Variants in RAD51D observed in about 807,000 individuals in gnomAD.
RAD51D encodes the protein RAD51 paralog D.
RAD51D carries 38 observed loss-of-function variants against 44.1 expected under a neutral mutation model. That is an observed-to-expected ratio of 0.86 (90% CI 0.67 to 1.13). The LOEUF is 1.13. Among genes scored for constraint, RAD51D ranks in the 50% most tolerant of loss-of-function variants. RAD51D has a pLI of 0.00. For missense variants in RAD51D, 390 were observed against 414.0 expected (o/e 0.94, Z 0.50); for synonymous variants, 141 against 166.6 (o/e 0.85, Z 1.18).
chr17:35,107,297 C>G (rs2142435550), intron 4 of RAD51D, 69 bp downstream of exon 4: 1 of 1,482,984 alleles, frequency 6.7e-7, no homozygotes, highest in South Asian at 1.1e-5. Context: ...GAAGCTCCCC[C>G]AGGGACCCTG....
intron 3 of RAD51D, among the ~76,000 whole-genome samples, chr17:35,109,776 T>C (rs543072835): frequency 3.9e-5 from 6 of 152,108 alleles, no homozygotes; most frequent in African/African-American, 1.4e-4. Context: ...CAAGCAATTC[T>C]CCTGCCTCAG....
At chr17:35,118,398 A>T (rs2091773683) in intron 3 of RAD51D, 103 bp downstream of exon 3, 2 of 737,054 alleles carry the variant, frequency 2.7e-6, no homozygotes, top group South Asian at 1.7e-5. Flanking sequence ...ATTATTGGTT[A>T]AAAAAAAAAC....
intron 3 of RAD51D, among the ~76,000 whole-genome samples, chr17:35,111,033 G>C (rs1298829954): frequency 6.6e-6 from 1 of 151,926 alleles, no homozygotes; most frequent in East Asian, 1.9e-4. Context: ...CCCGGGAGGC[G>C]GGGGTTGCAG....
intron 3 of RAD51D, among the ~76,000 whole-genome samples, chr17:35,107,779 CTT>C (rs1340104778): frequency 9.3e-6 from 1 of 107,938 alleles, no homozygotes; most frequent in Non-Finnish European, 1.7e-5. Flanking sequence ...CGGAGTCTCT[CTT>C]TGTTGTCCAG....
At chr17:35,114,362 A>G (rs1197953249) in intron 3 of RAD51D, among the ~76,000 whole-genome samples, 1 of 152,108 alleles carries the variant, frequency 6.6e-6, no homozygotes, top group Non-Finnish European at 1.5e-5. Context: ...TTGTCTGCAC[A>G]TTGGATTCAC....
In RAD51D at chr17:35,095,944, TG is replaced by T. The variant is rs1287346137; in HGVS notation, c.*5008del. On this transcript the variant is annotated 3_prime_UTR_variant, in exon 10 of 10. Coordinates refer to ENST00000345365, the MANE Select transcript of RAD51D (RefSeq NM_002878.4). Reference sequence around the variant, plus strand: ...CAGCCAATCACATCATCAGCTTCAGTGGGTTCCAGGCAGCCAACTATTCAAA... The same window carrying T: ...CAGCCAATCACATCATCAGCTTCAGTGGTTCCAGGCAGCCAACTATTCAAA... 2.0e-5 allele frequency: 3 copies of T among 152,176 alleles called. No homozygotes were observed. The highest frequency in any genetic ancestry group is 4.4e-5 in the Non-Finnish European group (3 of 68,030). 9.4% of individuals were successfully genotyped at this position (152,176 alleles called of 1,614,324 possible).
At chr17:35,118,099 G>A (rs1428541492) in intron 3 of RAD51D, among the ~76,000 whole-genome samples, 2 of 152,194 alleles carry the variant, frequency 1.3e-5, no homozygotes, top group African/African-American at 4.8e-5. Context: ...CTGACAGCTT[G>A]TGTTATAGGA....
At chr17:35,101,839 T>C (rs916693889) in intron 8 of RAD51D, among the ~76,000 whole-genome samples, 3 of 152,186 alleles carry the variant, frequency 2.0e-5, no homozygotes, top group Non-Finnish European at 4.4e-5. Context: ...ATGAGGTTCC[T>C]AGAGTAGTCA....
intron 3 of RAD51D, among the ~76,000 whole-genome samples, chr17:35,115,651 C>A (rs570199423): frequency 2.6e-5 from 4 of 151,948 alleles, no homozygotes; most frequent in African/African-American, 9.7e-5. Flanking sequence ...GGGCGGATCA[C>A]GAGGTCAGAA....
At chr17:35,110,287 T>A (rs1428331729) in intron 3 of RAD51D, among the ~76,000 whole-genome samples, 1 of 152,118 alleles carries the variant, frequency 6.6e-6, no homozygotes, top group Admixed American at 6.6e-5. Context: ...CTAATTGAAT[T>A]GTTTGATTTT....
intron 1 of RAD51D, 122 bp from the exon 2 acceptor site, chr17:35,119,294 G>T: frequency 2.0e-6 from 2 of 1,014,542 alleles, no homozygotes; most frequent in Non-Finnish European, 3.1e-6. Context: ...CAGGAGGCCA[G>T]TGTGAAATAA....
chr17:35,118,634 C>T lies in RAD51D; in HGVS notation c.145-15G>A, dbSNP rs2091779348. The stretch of plus-strand genomic sequence containing the variant: ...GCAACCAGGGCCTGCCAAAGGGCCC[C>T]AGACTGCTCAGCAACAAATTGCCCG... On this transcript the variant is annotated splice_polypyrimidine_tract_variant and intron_variant, in intron 2 of 9. Transcript: ENST00000345365. 1 of 1,601,330 alleles carries T rather than the reference C, an allele frequency of 6.2e-7. No homozygotes were observed. The highest frequency in any genetic ancestry group is 8.6e-7 in the Non-Finnish European group (1 of 1,168,570).
At chr17:35,115,751 T>C (rs2091728606) in intron 3 of RAD51D, among the ~76,000 whole-genome samples, 1 of 151,632 alleles carries the variant, frequency 6.6e-6, no homozygotes, top group Non-Finnish European at 1.5e-5. Context: ...GCACCTGTAG[T>C]CCCAGCTACT....
rs1597853615 is a variant in RAD51D, at chr17:35,099,542, T to C, written c.*1411A>G. 1 of 276,054 alleles carries C rather than the reference T, an allele frequency of 3.6e-6. No individual in the cohort carries two copies. The highest frequency in any genetic ancestry group is 8.1e-5 in the East Asian group (1 of 12,352). The allele number at this position is 276,054 out of a possible 1,614,324, so 17.1% of individuals were successfully genotyped here. On this transcript the variant is annotated 3_prime_UTR_variant, in exon 10 of 10. Transcript: ENST00000345365. ...TCTTCTGTGAAAGCAAGCGCTAGGATTCCCCCAGGCTTAGGCTTACCAACC... is the reference window on the plus strand; with the variant it reads ...TCTTCTGTGAAAGCAAGCGCTAGGACTCCCCCAGGCTTAGGCTTACCAACC...
At position 35,101,375 on chromosome 17, in the gene RAD51D, A is replaced by G. The variant is rs199998187; in HGVS notation, c.739-10T>C. On this transcript the variant is annotated splice_polypyrimidine_tract_variant and intron_variant, in intron 8 of 9. Coordinates refer to ENST00000345365, the MANE Select transcript of RAD51D (RefSeq NM_002878.4). ...TTATGTGGTTGGTCACCTGCAGCAGAAACAGACTTACAGATCCATAATGCT... is the reference window on the plus strand; with the variant it reads ...TTATGTGGTTGGTCACCTGCAGCAGGAACAGACTTACAGATCCATAATGCT... 3.8e-5 allele frequency: 61 copies of G among 1,612,814 alleles called. No individual in the cohort carries two copies. Among genetic ancestry groups the G allele is most frequent in the Non-Finnish European group, 5.1e-5 (60 of 1,179,850 alleles).
At chr17:35,115,730 G>A (rs1238313345) in intron 3 of RAD51D, among the ~76,000 whole-genome samples, 4 of 151,548 alleles carry the variant, frequency 2.6e-5, no homozygotes, top group South Asian at 2.1e-4. Flanking sequence ...TTAGCTGGGC[G>A]TTGATGGCAC....
At position 35,100,206 on chromosome 17, in the gene RAD51D, T is replaced by A. The variant is rs1567724017; in HGVS notation, c.*747A>T. The A allele has an allele frequency of 1.9e-6, 1 of 532,680 alleles. No homozygotes were observed. Among genetic ancestry groups the A allele is most frequent in the East Asian group, 3.9e-5 (1 of 25,522 alleles). 33.0% of individuals were successfully genotyped at this position (532,680 alleles called of 1,614,324 possible). ...AGGAGCAGGTCATACCCTCCCTTTCTGTTAAATTATATCCCTGGAACTGCA... is the reference window on the plus strand; with the variant it reads ...AGGAGCAGGTCATACCCTCCCTTTCAGTTAAATTATATCCCTGGAACTGCA... On this transcript the variant is annotated 3_prime_UTR_variant, in exon 10 of 10. Transcript: ENST00000345365.
chr17:35,105,820 C>T (rs1357152298), intron 6 of RAD51D, among the ~76,000 whole-genome samples: 8 of 151,800 alleles, frequency 5.3e-5, no homozygotes, highest in East Asian at 1.9e-4. Context: ...GGAAGAGGGA[C>T]GTCTATTAGT....
chr17:35,103,163 C>T lies in RAD51D; in HGVS notation c.738+91G>A. Reference sequence around the variant, plus strand: ...TGGGATATGTCCCTTTCCTAAAGGGCCACTTTGGGGTTCAGAAGCTGACAT... The same window carrying T: ...TGGGATATGTCCCTTTCCTAAAGGGTCACTTTGGGGTTCAGAAGCTGACAT... On this transcript the variant is annotated intron_variant, in intron 8 of 9. Transcript: ENST00000345365. The surrounding 1 kb of genome is among the most constrained non-coding windows in gnomAD (Gnocchi z 4.1). 1 of 1,311,066 alleles carries T rather than the reference C, an allele frequency of 7.6e-7. No homozygotes were observed. Among genetic ancestry groups the T allele is most frequent in the Non-Finnish European group, 1.1e-6 (1 of 929,420 alleles). The allele number at this position is 1,311,066 out of a possible 1,614,324, so 81.2% of individuals were successfully genotyped here. A position where few individuals can be genotyped will look rare whatever the true frequency, so the allele number is the denominator to read the frequency against.
Sources: allele counts gnomAD v4.1 joint callset (sites outside exome capture counted in the v4.1 genomes callset), GRCh38; gene constraint gnomAD v4.1.1; non-coding constraint Gnocchi (gnomAD v3.1); transcripts MANE v1.5; gene names NCBI Gene and HGNC (gene_info 2026-07-23, HGNC 2026-07-21).